ATP1B1: variants seen among roughly 807,000 people sequenced by gnomAD.
ATP1B1 encodes ATPase Na+/K+ transporting subunit beta 1, also known as sodium/potassium-transporting ATPase subunit beta-1.
In ATP1B1, 3 loss-of-function variants were observed where a neutral mutation model predicts 39.6. The observed-to-expected ratio is 0.08, with a 90% CI of 0.03 to 0.20. The LOEUF (loss-of-function observed/expected upper bound fraction) is 0.20, where lower values mean the gene tolerates loss of function less well. Ranked by LOEUF, ATP1B1 falls within the 10% of genes least tolerant of loss-of-function variation. The probability of loss-of-function intolerance (pLI) is 1.00; values close to 1 mark genes in which losing one functional copy is unlikely to be tolerated. For missense variants in ATP1B1, 216 were observed against 371.1 expected, an observed-to-expected ratio of 0.58 and a Z score of 3.43; for synonymous variants, 139 against 135.0, an observed-to-expected ratio of 1.03 and a Z score of -0.20.
chr1:169,118,209 G>A (rs1322249300), intron 2 of ATP1B1, among the ~76,000 whole-genome samples: 1 of 152,224 alleles, frequency 6.6e-6, no homozygotes, highest in Non-Finnish European at 1.5e-5. Context: ...GGAAGAAGAG[G>A]ACGGATCAGA....
rs371385406 is a variant in ATP1B1 at position 169,130,025 on chromosome 1, T to C, written c.583T>C (p.Ser195Pro). 6.2e-6 allele frequency: 10 copies of C among 1,613,908 alleles called. No homozygotes were observed. The highest frequency in any genetic ancestry group is 8.5e-6 in the Non-Finnish European group (10 of 1,179,962). The change falls in exon 5 of 6, where the codon TCC (serine) becomes CCC (proline). Residue 195 changes from serine to proline, a missense_variant. Ser to Pro is a moderately conservative substitution (Grantham distance 74, BLOSUM62 -1). Coordinates refer to ENST00000367815, the MANE Select transcript of ATP1B1 (RefSeq NM_001677.4). ...GFKPKPPKNE[S>P]LETYPVMKYN... ...TTATTTTTAGCCTCCCAAGAATGAG[T>C]CCTTGGAGACTTACCCAGTGATGAA...
chr1:169,129,326 C>T (rs1369019398), intron 4 of ATP1B1, among the ~76,000 whole-genome samples: 1 of 152,146 alleles, frequency 6.6e-6, no homozygotes, highest in African/African-American at 2.4e-5. Context: ...TAGATTTGAG[C>T]CATGGGTGTA....
intron 1 of ATP1B1, among the ~76,000 whole-genome samples, chr1:169,108,703 A>T (rs1008830008): frequency 1.3e-5 from 2 of 152,152 alleles, no homozygotes; most frequent in African/African-American, 4.8e-5. Context: ...TCCATGAGAG[A>T]GAGAAAGAGA....
At chr1:169,115,077 C>T (rs937350946) in intron 2 of ATP1B1, among the ~76,000 whole-genome samples, 6 of 149,086 alleles carry the variant, frequency 4.0e-5, no homozygotes, top group African/African-American at 7.4e-5. Flanking sequence ...CCCAGCTACT[C>T]GGAAGGCTGA....
intron 2 of ATP1B1, among the ~76,000 whole-genome samples, chr1:169,117,014 C>A (rs912418729): frequency 6.6e-6 from 1 of 152,202 alleles, no homozygotes; most frequent in Non-Finnish European, 1.5e-5. Flanking sequence ...ACTTGTATTA[C>A]TATCTCTCAC....
intron 5 of ATP1B1, 53 bp downstream of exon 5, chr1:169,130,143 G>A (rs1658175299): frequency 1.3e-6 from 2 of 1,485,468 alleles, no homozygotes; most frequent in Non-Finnish European, 1.9e-6. Context: ...CAGAGGAAGA[G>A]GGGAGAATGA....
intron 5 of ATP1B1, 29 bp downstream of exon 5, chr1:169,130,119 G>T: frequency 6.3e-7 from 1 of 1,594,592 alleles, no homozygotes; most frequent in South Asian, 1.1e-5. Context: ...TTACTGGGGT[G>T]GTGGAAGGGT....
At position 169,130,779 on chromosome 1, in the gene ATP1B1, C is replaced by CAAAA. The variant is rs57542049; in HGVS notation, c.649-488_649-485dup. On this transcript the variant is annotated intron_variant, in intron 5 of 5. Coordinates refer to ENST00000367815, the MANE Select transcript of ATP1B1 (RefSeq NM_001677.4). ...GCCTGGGGACAGAGCAAGACTATCT[C>CAAAA]AAAAAAAAAAAAAAAAAAAAAAAAA... Among the ~76,000 whole-genome samples, 74 of 73,968 alleles carry CAAAA rather than the reference C, an allele frequency of 1.0e-3. 1 individual carries two copies. Among genetic ancestry groups the CAAAA allele is most frequent in the African/African-American group, 3.7e-3 (66 of 17,662 alleles). 48.5% of individuals were successfully genotyped at this position (73,968 alleles called of 152,430 possible).
At chr1:169,123,512 T>A (rs1168661224) in intron 2 of ATP1B1, among the ~76,000 whole-genome samples, 1 of 151,976 alleles carries the variant, frequency 6.6e-6, no homozygotes, top group African/African-American at 2.4e-5. Flanking sequence ...TAGAATCAAG[T>A]TGCCAGATTT....
Position 169,111,447 on chromosome 1 carries a change from C to G in ATP1B1, c.175C>G (p.Leu59Val), listed in dbSNP as rs1271992932. ...CATCGGAACCATCCAAGTGATGCTG[C>G]TCACCATCAGTGAATTTAAGCCCAC... Reference protein sequence around the residue: ...IFIGTIQVMLLTISEFKPTYQ... With the variant: ...IFIGTIQVMLVTISEFKPTYQ... The change falls in exon 2 of 6, where the codon CTC (leucine) becomes GTC (valine). Residue 59 changes from leucine (L) to valine (V), a missense_variant. Transcript: ENST00000367815. 6.2e-7 allele frequency: 1 copy of G among 1,614,194 alleles called. No individual in the cohort carries two copies.
chr1:169,107,147 A>C (rs906115644), intron 1 of ATP1B1, among the ~76,000 whole-genome samples: 1 of 152,218 alleles, frequency 6.6e-6, no homozygotes, highest in African/African-American at 2.4e-5. Context: ...GGAACACGAC[A>C]GGCGGAAGGT....
At chr1:169,112,974 C>G (rs1332435124) in intron 2 of ATP1B1, among the ~76,000 whole-genome samples, 1 of 151,944 alleles carries the variant, frequency 6.6e-6, no homozygotes, top group African/African-American at 2.4e-5. Context: ...CTTTGTGGTA[C>G]CATTAGTTGT....
chr1:169,108,185 T>C (rs1657645673), intron 1 of ATP1B1: 1 of 152,204 alleles, frequency 6.6e-6, no homozygotes, highest in African/African-American at 2.4e-5. Context: ...TGAAGCGTCT[T>C]TCCAAGGTGT....
At chr1:169,110,567 CTTTTTTTTT>C (rs11423213) in intron 1 of ATP1B1, 7 of 433,880 alleles carry the variant, frequency 1.6e-5, no homozygotes, top group South Asian at 2.6e-5. Context: ...TGTGTTGAGT[CTTTTTTTTT>C]TTTTTTTTTT....
chr1:169,121,526 C>CT (rs201715312), intron 2 of ATP1B1, among the ~76,000 whole-genome samples: 11 of 152,064 alleles, frequency 7.2e-5, no homozygotes, highest in East Asian at 1.9e-4. Flanking sequence ...TCTTACTCTC[C>CT]TTTTTTTTGT....
chr1:169,111,263 T>C, intron 1 of ATP1B1, 107 bp from the exon 2 acceptor site: 11 of 1,470,930 alleles, frequency 7.5e-6, no homozygotes, highest in Non-Finnish European at 8.3e-6. Flanking sequence ...GAAGAAATCA[T>C]GGGACCGGGG....
At chr1:169,112,984 T>C (rs543937341) in intron 2 of ATP1B1, among the ~76,000 whole-genome samples, 48 of 152,332 alleles carry the variant, frequency 3.2e-4, no homozygotes, top group Non-Finnish European at 6.2e-4. Context: ...CCATTAGTTG[T>C]AATTTTAATT....
At position 169,111,487 on chromosome 1, in the gene ATP1B1, T is replaced by C. The variant is rs1368893089; in HGVS notation, c.215T>C (p.Val72Ala). Residue 72 changes from valine (V) to alanine (A), a missense_variant, in exon 2 of 6, where the codon GTG becomes GCG. Physicochemically the swap from Val to Ala is moderately conservative, Grantham distance 64. Coordinates refer to ENST00000367815, the MANE Select transcript of ATP1B1 (RefSeq NM_001677.4). ...TTTAAGCCCACATATCAGGACCGAGTGGCCCCGCCAGGTAAAATCCACATG... is the reference window on the plus strand; with the variant it reads ...TTTAAGCCCACATATCAGGACCGAGCGGCCCCGCCAGGTAAAATCCACATG... ...SEFKPTYQDR[V>A]APPGLTQIPQ... The C allele has an allele frequency of 6.2e-7, 1 of 1,613,858 alleles. No homozygotes were observed. The highest frequency in any genetic ancestry group is 1.1e-5 in the South Asian group (1 of 91,024).
At chr1:169,111,272 G>A (rs1460227703) in intron 1 of ATP1B1, 98 bp from the exon 2 acceptor site, 1 of 1,507,224 alleles carries the variant, frequency 6.6e-7, no homozygotes, top group East Asian at 2.3e-5. Flanking sequence ...ATGGGACCGG[G>A]GGAACCAGGA....
Sources: allele counts gnomAD v4.1 joint callset (sites outside exome capture counted in the v4.1 genomes callset), GRCh38; gene constraint gnomAD v4.1.1; transcripts MANE v1.5; gene names NCBI Gene and HGNC (gene_info 2026-07-23, HGNC 2026-07-21).